PCDH15: variants seen among roughly 807,000 people sequenced by gnomAD.
PCDH15 encodes the protein protocadherin-15.
Under a neutral mutation model 178.5 loss-of-function variants are expected in PCDH15, and 129 were observed. The observed-to-expected ratio is 0.72, with a 90% CI of 0.63 to 0.84. The LOEUF (loss-of-function observed/expected upper bound fraction) is 0.84, where lower values mean the gene tolerates loss of function less well. Ranked by LOEUF, PCDH15 falls within the 40% of genes least tolerant of loss-of-function variation. The pLI is 0.00. For synonymous variants in PCDH15, 800 were observed against 732.0 expected, an observed-to-expected ratio of 1.09 and a Z score of -1.50; for missense variants, 2,230 against 2,099.9, an observed-to-expected ratio of 1.06 and a Z score of -1.21.
intron 1 of PCDH15, among the ~76,000 whole-genome samples, chr10:55,198,360 C>T (rs1840150570): frequency 6.6e-6 from 1 of 152,118 alleles, no homozygotes; most frequent in Non-Finnish European, 1.5e-5. Context: ...AGGGGGCGGA[C>T]TTCCCCCTTG....
At chr10:54,297,168 G>C (rs894089558) in intron 8 of PCDH15, among the ~76,000 whole-genome samples, 1 of 152,028 alleles carries the variant, frequency 6.6e-6, no homozygotes, top group Non-Finnish European at 1.5e-5. Flanking sequence ...TCTTGGGCAG[G>C]GGGAGAAACA....
At chr10:54,311,775 T>C (rs1246576052) in intron 8 of PCDH15, among the ~76,000 whole-genome samples, 1 of 152,098 alleles carries the variant, frequency 6.6e-6, no homozygotes, top group Non-Finnish European at 1.5e-5. Flanking sequence ...GAGTTGTTTA[T>C]ATTAGAAAAC....
At chr10:54,136,407 T>TG (rs2042904020) in intron 14 of PCDH15, among the ~76,000 whole-genome samples, 1 of 151,946 alleles carries the variant, frequency 6.6e-6, no homozygotes, top group Admixed American at 6.6e-5. Flanking sequence ...CATTTTTTTT[T>TG]TTTTGACCTG....
intron 15 of PCDH15, among the ~76,000 whole-genome samples, chr10:54,118,504 C>G (rs1323417268): frequency 2.6e-5 from 4 of 151,932 alleles, no homozygotes; most frequent in Admixed American, 6.6e-5. Flanking sequence ...ACTAAAAATA[C>G]AAAAAATTAG....
At chr10:55,263,170 C>G (rs557384406) in intron 1 of PCDH15, among the ~76,000 whole-genome samples, 15 of 151,800 alleles carry the variant, frequency 9.9e-5, no homozygotes, top group Admixed American at 1.3e-4. Flanking sequence ...TCTCTTTTTC[C>G]TGCAGGTAAG....
chr10:54,555,163 T>G (rs2087041155), intron 2 of PCDH15, among the ~76,000 whole-genome samples: 1 of 152,176 alleles, frequency 6.6e-6, no homozygotes, highest in Admixed American at 6.5e-5. Flanking sequence ...TATCAAGGTT[T>G]CTGATTGATT....
At chr10:54,960,394 C>T (rs1564665878) in intron 2 of PCDH15, among the ~76,000 whole-genome samples, 1 of 152,146 alleles carries the variant, frequency 6.6e-6, no homozygotes, top group East Asian at 1.9e-4. Flanking sequence ...AGTCTTCCCT[C>T]AGGTGTATGG....
chr10:54,497,176 C>T (rs2080200736), intron 3 of PCDH15, among the ~76,000 whole-genome samples: 1 of 151,554 alleles, frequency 6.6e-6, no homozygotes, highest in Non-Finnish European at 1.5e-5. Flanking sequence ...GAGTGCTGAG[C>T]TTAGCTTTAG....
intron 2 of PCDH15, among the ~76,000 whole-genome samples, chr10:55,449,266 C>T (rs1181823816): frequency 6.6e-6 from 1 of 152,074 alleles, no homozygotes; most frequent in African/African-American, 2.4e-5. Flanking sequence ...GGTACCACTA[C>T]CTGCTATTAC....
At position 55,538,374 on chromosome 10, in the gene PCDH15, T is replaced by TTTCCTTCC. The variant is rs200736766; in HGVS notation, c.-156+89243_-156+89250dup. On this transcript the variant is annotated intron_variant, in intron 2 of 5. Coordinates refer to the PCDH15 transcript ENST00000613346. ...TGTTCATGTTACGAATAGGAAAGCT[T>TTTCCTTCC]TTCCTTCCTTCCTTCCTTCCTTTCT... Among the ~76,000 whole-genome samples, 780 of 151,174 alleles carry TTTCCTTCC rather than the reference T, an allele frequency of 5.2e-3. 4 individuals carry two copies. Among genetic ancestry groups the TTTCCTTCC allele is most frequent in the Non-Finnish European group, 9.2e-3 (622 of 67,768 alleles).
intron 18 of PCDH15, among the ~76,000 whole-genome samples, chr10:54,062,185 T>C (rs1361585667): frequency 1.6e-5 from 2 of 128,434 alleles, no homozygotes; most frequent in East Asian, 5.3e-4. Context: ...GTCACTCCAT[T>C]GCACTCCATC....
chr10:54,383,868 G>C lies in PCDH15; in HGVS notation c.158-4926C>G, dbSNP rs1949573026. 2.0e-5 allele frequency among the ~76,000 whole-genome samples: 3 copies of C among 151,858 alleles called. No individual in the cohort carries two copies. The South Asian group carries it at 6.2e-4, about 32-fold the overall frequency. On this transcript the variant is annotated intron_variant, in intron 3 of 37. Transcript: ENST00000644397. ...GAGTCTTGCTCTGTTGCCCAGGCTG[G>C]AGTGCAGTGGCGCAATCTCGGCTCA... is the stretch of plus-strand genomic sequence containing the variant.
chr10:54,625,952 C>A (rs932049308), intron 2 of PCDH15, among the ~76,000 whole-genome samples: 1 of 152,094 alleles, frequency 6.6e-6, no homozygotes, highest in Non-Finnish European at 1.5e-5. Flanking sequence ...AACATCCAGG[C>A]TGAGGTGGTC....
intron 1 of PCDH15, among the ~76,000 whole-genome samples, chr10:55,222,177 T>C (rs1840896583): frequency 6.6e-6 from 1 of 151,886 alleles, no homozygotes; most frequent in Non-Finnish European, 1.5e-5. Context: ...GCCCAGCCTA[T>C]ATAATTTAAT....
intron 3 of PCDH15, among the ~76,000 whole-genome samples, chr10:54,421,929 C>CTAGA (rs1955551795): frequency 9.5e-6 from 1 of 105,732 alleles, no homozygotes. Flanking sequence ...TATATATACA[C>CTAGA]TATATATATA....
At chr10:55,447,508 G>A (rs1196022356) in intron 2 of PCDH15, among the ~76,000 whole-genome samples, 5 of 151,946 alleles carry the variant, frequency 3.3e-5, no homozygotes, top group South Asian at 2.1e-4. Flanking sequence ...GAGATCCTAC[G>A]TCTCCAGAAA....
chr10:54,328,771 G>A (rs925453543), intron 7 of PCDH15, among the ~76,000 whole-genome samples: 7 of 148,988 alleles, frequency 4.7e-5, no homozygotes, highest in Non-Finnish European at 8.9e-5. Context: ...TAAGGCATTG[G>A]GAAAATAACC....
intron 2 of PCDH15, among the ~76,000 whole-genome samples, chr10:54,565,785 T>C (rs926334247): frequency 1.3e-5 from 2 of 152,168 alleles, no homozygotes; most frequent in Non-Finnish European, 2.9e-5. Context: ...AGATTTCTTC[T>C]TCTTAAATAA....
chr10:54,928,389 C>A (rs971700757), intron 2 of PCDH15, among the ~76,000 whole-genome samples: 1 of 152,030 alleles, frequency 6.6e-6, no homozygotes, highest in Non-Finnish European at 1.5e-5. Context: ...TTCATTTCAA[C>A]CTTGGAGAAT....
Sources: allele counts gnomAD v4.1 joint callset (sites outside exome capture counted in the v4.1 genomes callset), GRCh38; gene constraint gnomAD v4.1.1; transcripts MANE v1.5; gene names NCBI Gene and HGNC (gene_info 2026-07-23, HGNC 2026-07-21).